DNAH14: variants seen among roughly 807,000 people sequenced by gnomAD.
DNAH14 encodes the protein dynein axonemal heavy chain 14.
DNAH14 carries 478 observed loss-of-function variants against 520.9 expected under a neutral mutation model. The ratio of observed to expected loss-of-function variants is 0.92; its 90% CI spans 0.85 to 0.99. The LOEUF (loss-of-function observed/expected upper bound fraction) is 0.99. DNAH14 is among the 50% of genes least tolerant of loss of function. The pLI, the probability that DNAH14 is intolerant of heterozygous loss-of-function variation, is 0.00. For missense variants in DNAH14, 4,831 were observed against 5,234.5 expected (o/e 0.92, Z 2.38); for synonymous variants, 1,581 against 1,757.2 (o/e 0.90, Z 2.51).
Position 225,353,767 on chromosome 1 carries a change from T to G in DNAH14, c.11534-36T>G, listed in dbSNP as rs1372752657. 5 of 1,063,294 alleles carry G rather than the reference T, an allele frequency of 4.7e-6. No individual in the cohort carries two copies. The South Asian group carries it at 5.9e-5, about 13-fold the overall frequency. 65.9% of individuals were successfully genotyped at this position (1,063,294 alleles called of 1,614,324 possible). A position where few individuals can be genotyped will look rare whatever the true frequency, so the allele number is the denominator to read the frequency against. On this transcript the variant is annotated intron_variant, in intron 72 of 85. Transcript: ENST00000682510. ...GTTTTAATGATAAAAAGTATTTGACTGTTAATGCCAGTTTCTTTCTCTAAA... is the reference window on the plus strand; with the variant it reads ...GTTTTAATGATAAAAAGTATTTGACGGTTAATGCCAGTTTCTTTCTCTAAA...
At chr1:225,056,754 G>C (rs1300221799) in intron 17 of DNAH14, among the ~76,000 whole-genome samples, 1 of 152,150 alleles carries the variant, frequency 6.6e-6, no homozygotes, top group Non-Finnish European at 1.5e-5. Context: ...CATATGGCTA[G>C]CCAGTTTTCC....
At chr1:225,198,155 A>G (rs748640873) in intron 38 of DNAH14, among the ~76,000 whole-genome samples, 3 of 151,626 alleles carry the variant, frequency 2.0e-5, no homozygotes, top group Non-Finnish European at 2.9e-5. Flanking sequence ...CCCACTCACT[A>G]TTATATTGGT....
chr1:224,997,984 T>C, intron 8 of DNAH14, among the ~76,000 whole-genome samples: 1 of 152,152 alleles, frequency 6.6e-6, no homozygotes, highest in African/African-American at 2.4e-5. Flanking sequence ...ATAGGGCTAC[T>C]GAGATTATCT....
intron 5 of DNAH14, among the ~76,000 whole-genome samples, chr1:224,966,594 T>C (rs2061180567): frequency 6.6e-6 from 1 of 152,206 alleles, no homozygotes; most frequent in Admixed American, 6.5e-5. Flanking sequence ...TAGCTCAGAA[T>C]ATGGGTTTAC....
intron 2 of DNAH14, 56 bp from the exon 3 acceptor site, chr1:224,954,902 AT>A: frequency 7.1e-7 from 1 of 1,413,296 alleles, no homozygotes; most frequent in Non-Finnish European, 9.8e-7. Flanking sequence ...ATAGCTCAGT[AT>A]TTTATTGGTG....
intron 23 of DNAH14, among the ~76,000 whole-genome samples, chr1:225,113,799 G>T (rs2076663505): frequency 6.6e-6 from 1 of 152,162 alleles, no homozygotes; most frequent in Non-Finnish European, 1.5e-5. Flanking sequence ...GGGTACCGCT[G>T]ATGTTCACTA....
intron 23 of DNAH14, among the ~76,000 whole-genome samples, chr1:225,105,404 G>A (rs568401861): frequency 1.0e-3 from 153 of 152,142 alleles, no homozygotes; most frequent in African/African-American, 3.1e-3. Flanking sequence ...TATTAGGTCC[G>A]CTTGGTGCAG....
At chr1:225,101,015 A>G in intron 23 of DNAH14, 131 bp downstream of exon 23, 1 of 660,134 alleles carries the variant, frequency 1.5e-6, no homozygotes, top group Non-Finnish European at 2.4e-6. Flanking sequence ...AATTTTTTAA[A>G]CTCTCACTAC....
chr1:225,307,536 G>A lies in DNAH14; in HGVS notation c.9081G>A (p.Leu3027=), dbSNP rs1404772641. 1 of 1,546,856 alleles carries A rather than the reference G, an allele frequency of 6.5e-7. No homozygotes were observed. The highest frequency in any genetic ancestry group is 2.0e-5 in the Admixed American group (1 of 49,246). The change falls in exon 59 of 86, where the codon TTG becomes TTA. Residue 3027 remains leucine (L), a synonymous_variant. Coordinates refer to ENST00000682510, the MANE Select transcript of DNAH14 (RefSeq NM_001367479.1). The part of the protein sequence containing the change: ...TLVTEMQEEL[L]ILGPQVEQKT... ...TTACAGAAATGCAAGAAGAGCTCTTGATTCTTGGCCCTCAAGTAGAACAAA... is the reference window on the plus strand; with the variant it reads ...TTACAGAAATGCAAGAAGAGCTCTTAATTCTTGGCCCTCAAGTAGAACAAA...
chr1:224,977,947 G>T (rs925736752), intron 8 of DNAH14, among the ~76,000 whole-genome samples: 1 of 152,100 alleles, frequency 6.6e-6, no homozygotes, highest in Non-Finnish European at 1.5e-5. Flanking sequence ...GGCAATGCAA[G>T]TCAAAACCAC....
chr1:225,365,304 G>C (rs537701589), intron 76 of DNAH14, among the ~76,000 whole-genome samples: 47 of 152,268 alleles, frequency 3.1e-4, no homozygotes, highest in Non-Finnish European at 5.9e-4. Context: ...AAGATTATCT[G>C]GGACTTCTCA....
chr1:225,298,260 A>G (rs2094057579), intron 55 of DNAH14, among the ~76,000 whole-genome samples: 1 of 152,164 alleles, frequency 6.6e-6, no homozygotes, highest in African/African-American at 2.4e-5. Flanking sequence ...GCTGTTGGGC[A>G]GGCCAGGGGC....
At chr1:224,975,970 C>T (rs1436887121) in intron 8 of DNAH14, among the ~76,000 whole-genome samples, 1 of 151,840 alleles carries the variant, frequency 6.6e-6, no homozygotes, top group African/African-American at 2.4e-5. Context: ...TTTCTACCTT[C>T]ATTTCGTTAT....
chr1:225,384,087 C>T (rs1477891938), intron 81 of DNAH14, among the ~76,000 whole-genome samples: 1 of 152,184 alleles, frequency 6.6e-6, no homozygotes, highest in African/African-American at 2.4e-5. Context: ...TTTGATTGCA[C>T]TGTGGTCTAA....
chr1:225,377,444 C>CCTG lies in DNAH14; in HGVS notation c.12716+8_12716+9insCTG. The stretch of plus-strand genomic sequence containing the variant: ...TGCCAACCTCATGATCAGGTAAGAA[C>CCTG]TCGCTAGGAAAAATTGTTGGTCAAA... On this transcript the variant is annotated intron_variant, in intron 79 of 85. Coordinates refer to ENST00000682510, the MANE Select transcript of DNAH14 (RefSeq NM_001367479.1). 6.5e-7 allele frequency: 1 copy of CCTG among 1,536,352 alleles called. No homozygotes were observed. Among genetic ancestry groups the CCTG allele is most frequent in the Non-Finnish European group, 8.8e-7 (1 of 1,139,508 alleles).
chr1:225,274,192 C>CTGTTTTT (rs1439174308), intron 52 of DNAH14, among the ~76,000 whole-genome samples: 2 of 128,370 alleles, frequency 1.6e-5, no homozygotes, highest in East Asian at 5.4e-4. Context: ...TCACCAGCAT[C>CTGTTTTT]TGTTATTTTT....
chr1:225,098,047 G>A (rs760847509), intron 22 of DNAH14, among the ~76,000 whole-genome samples: 4 of 151,972 alleles, frequency 2.6e-5, no homozygotes, highest in Admixed American at 6.6e-5. Flanking sequence ...AAACAAAACC[G>A]CCAGGTTTAG....
chr1:225,128,310 A>G (rs1408435235), intron 27 of DNAH14, among the ~76,000 whole-genome samples: 20 of 152,162 alleles, frequency 1.3e-4, no homozygotes, highest in Admixed American at 1.2e-3. Flanking sequence ...TCCCTAACTC[A>G]TTTTATGAGG....
intron 8 of DNAH14, among the ~76,000 whole-genome samples, chr1:224,993,249 A>C (rs567487856): frequency 6.6e-6 from 1 of 151,930 alleles, no homozygotes; most frequent in Non-Finnish European, 1.5e-5. Context: ...TTCTCTTTCC[A>C]ATTTTTGGAA....
Sources: allele counts gnomAD v4.1 joint callset (sites outside exome capture counted in the v4.1 genomes callset), GRCh38; gene constraint gnomAD v4.1.1; transcripts MANE v1.5; gene names NCBI Gene and HGNC (gene_info 2026-07-23, HGNC 2026-07-21).